The following ADAMTSL1 variants were observed in gnomAD, a reference collection of about 807,000 sequenced individuals.
The protein encoded by ADAMTSL1 is ADAMTS like 1.
A neutral mutation model predicts 201.8 loss-of-function variants in ADAMTSL1; 126 were observed. The ratio of observed to expected loss-of-function variants is 0.62; its 90% CI spans 0.54 to 0.72. The LOEUF (loss-of-function observed/expected upper bound fraction) is 0.72, where lower values mean the gene tolerates loss of function less well. ADAMTSL1 is among the 30% of genes least tolerant of loss of function. ADAMTSL1 has a pLI of 0.00. For synonymous variants in ADAMTSL1, 1,121 were observed against 903.4 expected, an observed-to-expected ratio of 1.24 and a Z score of -4.32; for missense variants, 2,679 against 2,277.8, an observed-to-expected ratio of 1.18 and a Z score of -3.59.
chr9:17,994,693 T>G (rs1819301452), intron 1 of ADAMTSL1, among the ~76,000 whole-genome samples: 2 of 152,178 alleles, frequency 1.3e-5, no homozygotes, highest in Non-Finnish European at 2.9e-5. Flanking sequence ...AGGTCAGTGG[T>G]AAATTTAGGA....
At chr9:17,995,036 G>A (rs1260143904) in intron 1 of ADAMTSL1, among the ~76,000 whole-genome samples, 1 of 152,154 alleles carries the variant, frequency 6.6e-6, no homozygotes, top group African/African-American at 2.4e-5. Context: ...CTTTCTCACA[G>A]TCAGAACGTG....
chr9:18,064,487 G>A (rs1051592410), intron 1 of ADAMTSL1, among the ~76,000 whole-genome samples: 1 of 152,142 alleles, frequency 6.6e-6, no homozygotes, highest in African/African-American at 2.4e-5. Context: ...AACATAAAGT[G>A]AAAGTCCTGT....
chr9:18,227,864 C>A (rs962508489), intron 2 of ADAMTSL1, among the ~76,000 whole-genome samples: 1 of 152,112 alleles, frequency 6.6e-6, no homozygotes, highest in South Asian at 2.1e-4. Context: ...GATACTGTGT[C>A]TTTCTTCATT....
intron 2 of ADAMTSL1, among the ~76,000 whole-genome samples, chr9:18,372,226 G>T (rs1491001515): frequency 1.3e-5 from 2 of 152,132 alleles, no homozygotes; most frequent in Non-Finnish European, 2.9e-5. Flanking sequence ...CTTAGAAAAT[G>T]CAGCTCTCAG....
chr9:18,115,419 C>G (rs1382759239), intron 1 of ADAMTSL1, among the ~76,000 whole-genome samples: 15 of 152,032 alleles, frequency 9.9e-5, no homozygotes. Flanking sequence ...GAGAACAAGT[C>G]TACAATTATG....
chr9:18,585,609 C>T (rs902940860), intron 4 of ADAMTSL1, among the ~76,000 whole-genome samples: 5 of 152,062 alleles, frequency 3.3e-5, no homozygotes, highest in Admixed American at 1.3e-4. Context: ...GTGAGACCAG[C>T]ACCATCCTGA....
At chr9:18,278,676 T>C (rs1011029345) in intron 2 of ADAMTSL1, among the ~76,000 whole-genome samples, 2 of 152,200 alleles carry the variant, frequency 1.3e-5, no homozygotes, top group African/African-American at 4.8e-5. Flanking sequence ...TTGGGCTTCA[T>C]AGATCTGGAT....
In ADAMTSL1 at chr9:18,808,575, C is replaced by A. The variant is rs193104789; in HGVS notation, c.3806-8534C>A. Among the ~76,000 whole-genome samples the A allele has an allele frequency of 2.4e-4, 37 of 152,270 alleles. No homozygotes were observed. In the East Asian group the frequency reaches 6.4e-3, roughly 26 times the overall value. On this transcript the variant is annotated intron_variant, in intron 20 of 28. Transcript: ENST00000380548. ...GCTATACACTTGCAGCTATAAAAAA[C>A]CACCTTTATTATTAAAATTCCTGTA...
At chr9:18,340,429 A>C (rs4418426) in intron 2 of ADAMTSL1, among the ~76,000 whole-genome samples, 2 of 151,990 alleles carry the variant, frequency 1.3e-5, no homozygotes, top group Admixed American at 1.3e-4. Context: ...CCAGTTCTGC[A>C]TATACTGCAA....
At chr9:18,623,553 G>A (rs1289415585) in intron 5 of ADAMTSL1, among the ~76,000 whole-genome samples, 1 of 152,166 alleles carries the variant, frequency 6.6e-6, no homozygotes, top group Non-Finnish European at 1.5e-5. Context: ...AAGGGAAGGT[G>A]CCTCAGATGT....
intron 2 of ADAMTSL1, among the ~76,000 whole-genome samples, chr9:18,230,178 G>C (rs763905281): frequency 4.6e-5 from 7 of 152,160 alleles, no homozygotes; most frequent in Non-Finnish European, 8.8e-5. Flanking sequence ...CCAGAGGTGA[G>C]ACATCTTTGT....
intron 2 of ADAMTSL1, among the ~76,000 whole-genome samples, chr9:18,321,779 C>T (rs984336510): frequency 3.9e-5 from 6 of 151,928 alleles, no homozygotes; most frequent in East Asian, 1.9e-4. Context: ...GGCAACAGAG[C>T]GAGACTCCAT....
intron 2 of ADAMTSL1, among the ~76,000 whole-genome samples, chr9:18,293,708 C>T (rs1318448369): frequency 3.3e-5 from 5 of 152,082 alleles, no homozygotes; most frequent in Admixed American, 6.5e-5. Context: ...ATGTGGGCTC[C>T]GTCCCATATA....
chr9:18,902,981 G>C (rs1172459457), intron 26 of ADAMTSL1, among the ~76,000 whole-genome samples: 1 of 152,208 alleles, frequency 6.6e-6, no homozygotes, highest in Admixed American at 6.5e-5. Context: ...GAAGCAGGCA[G>C]ATCACTTGAG....
intron 1 of ADAMTSL1, among the ~76,000 whole-genome samples, chr9:18,124,496 C>T (rs146141202): frequency 1.3e-5 from 2 of 152,264 alleles, no homozygotes; most frequent in African/African-American, 4.8e-5. Context: ...CTGCATCAGA[C>T]ATATGATTTG....
chr9:18,180,299 T>C (rs1462075251), intron 2 of ADAMTSL1, among the ~76,000 whole-genome samples: 1 of 152,184 alleles, frequency 6.6e-6, no homozygotes, highest in South Asian at 2.1e-4. Flanking sequence ...TTTGGGAGGC[T>C]GAGGCGGGCG....
intron 1 of ADAMTSL1, among the ~76,000 whole-genome samples, chr9:18,010,916 A>G (rs1820024896): frequency 6.6e-6 from 1 of 152,008 alleles, no homozygotes; most frequent in Non-Finnish European, 1.5e-5. Context: ...TTGTTTAGAT[A>G]TTTAAATAAT....
intron 1 of ADAMTSL1, among the ~76,000 whole-genome samples, chr9:17,995,638 C>T (rs895391107): frequency 3.3e-5 from 5 of 151,950 alleles, no homozygotes; most frequent in African/African-American, 1.2e-4. Flanking sequence ...ATTCTGACTT[C>T]TTTATTCTGT....
intron 2 of ADAMTSL1, among the ~76,000 whole-genome samples, chr9:18,171,902 A>G (rs1237534326): frequency 6.6e-6 from 1 of 152,090 alleles, no homozygotes; most frequent in Non-Finnish European, 1.5e-5. Context: ...GCATATGGCT[A>G]GCCAATTTTC....
Sources: gnomAD v4.1 joint callset for allele counts (sites outside exome capture counted in the v4.1 genomes callset) on GRCh38, gnomAD v4.1.1 for gene constraint, MANE v1.5 for transcripts, NCBI Gene and HGNC (gene_info 2026-07-23, HGNC 2026-07-21) for gene names.